ENTREP2: variants seen among roughly 807,000 people sequenced by gnomAD.
ENTREP2 encodes protein ENTREP2.
chr15:29,478,010 TATATATATA>T, the ENTREP2 span, among the ~76,000 whole-genome samples: 39 of 77,218 alleles, frequency 5.1e-4, no homozygotes, highest in South Asian at 0.011. Context: ...TATATATATA[TATATATATA>T]TTTTTTTTTT....
At chr15:29,619,619 C>T in the ENTREP2 span, among the ~76,000 whole-genome samples, 1 of 152,090 alleles carries the variant, frequency 6.6e-6, no homozygotes, top group East Asian at 1.9e-4. Flanking sequence ...CTGTGAAAGA[C>T]AAAGTGTCAC....
the ENTREP2 span, among the ~76,000 whole-genome samples, chr15:29,597,568 C>CAA: frequency 2.1e-3 from 285 of 137,706 alleles, no homozygotes; most frequent in South Asian, 5.6e-3. Flanking sequence ...AACTCTGTCT[C>CAA]AAAAAAAAAA....
the ENTREP2 span, among the ~76,000 whole-genome samples, chr15:29,494,996 C>T: frequency 1.3e-5 from 2 of 152,148 alleles, no homozygotes; most frequent in Admixed American, 1.3e-4. Context: ...ACTAATGCTG[C>T]AGTGTACATG....
At chr15:29,549,037 G>C in the ENTREP2 span, among the ~76,000 whole-genome samples, 2 of 152,156 alleles carry the variant, frequency 1.3e-5, no homozygotes, top group Non-Finnish European at 1.5e-5. Context: ...GTTAACTGCA[G>C]GCAGCAGGAC....
At chr15:29,500,027 A>G in the ENTREP2 span, among the ~76,000 whole-genome samples, 1 of 152,148 alleles carries the variant, frequency 6.6e-6, no homozygotes, top group African/African-American at 2.4e-5. Flanking sequence ...CACTAATAAA[A>G]AGGTCAAGTC....
At chr15:29,617,145 C>T in the ENTREP2 span, among the ~76,000 whole-genome samples, 3 of 152,264 alleles carry the variant, frequency 2.0e-5, no homozygotes, top group East Asian at 3.9e-4. Flanking sequence ...GGAAGTCCCA[C>T]GGCAGGCTGT....
the ENTREP2 span, among the ~76,000 whole-genome samples, chr15:29,550,618 C>A: frequency 6.6e-6 from 1 of 152,114 alleles, no homozygotes; most frequent in African/African-American, 2.4e-5. Context: ...CTTGTTCTTG[C>A]CATAAATTAA....
At chr15:29,170,467 T>C in the ENTREP2 span, among the ~76,000 whole-genome samples, 1 of 151,954 alleles carries the variant, frequency 6.6e-6, no homozygotes, top group African/African-American at 2.4e-5. Context: ...TGAGAACAAA[T>C]AAATAATGAG....
the ENTREP2 span, among the ~76,000 whole-genome samples, chr15:29,372,921 ATAAAGT>A: frequency 3.0e-4 from 46 of 152,308 alleles, no homozygotes; most frequent in African/African-American, 1.1e-3. Flanking sequence ...TTAGGAAAAG[ATAAAGT>A]TAGAGTCTTC....
chr15:29,179,582 CT>C, the ENTREP2 span, among the ~76,000 whole-genome samples: 3,768 of 134,650 alleles, frequency 0.028, 137 homozygotes, highest in African/African-American at 0.092. Flanking sequence ...CCGGAGTCGT[CT>C]TTTTTTTTTT....
the ENTREP2 span, among the ~76,000 whole-genome samples, chr15:29,245,880 G>A: frequency 6.6e-6 from 1 of 152,166 alleles, no homozygotes; most frequent in African/African-American, 2.4e-5. Context: ...GCTGGCAAAG[G>A]TGTGAAGGGG....
chr15:29,502,581 T>A, the ENTREP2 span, among the ~76,000 whole-genome samples: 1 of 151,840 alleles, frequency 6.6e-6, no homozygotes, highest in South Asian at 2.1e-4. Context: ...AAAGAAAAAA[T>A]AGATGAATTG....
chr15:29,138,640 T>A, the ENTREP2 span, among the ~76,000 whole-genome samples: 1 of 151,652 alleles, frequency 6.6e-6, no homozygotes, highest in African/African-American at 2.4e-5. Context: ...CATGTGTATA[T>A]GTGTATGTGT....
At chr15:29,648,124 C>A in the ENTREP2 span, among the ~76,000 whole-genome samples, 2 of 152,194 alleles carry the variant, frequency 1.3e-5, no homozygotes, top group East Asian at 3.8e-4. Flanking sequence ...CCATTTGGCA[C>A]ATTTCCTTTA....
the ENTREP2 span, among the ~76,000 whole-genome samples, chr15:29,328,082 A>G: frequency 6.6e-6 from 1 of 152,226 alleles, no homozygotes; most frequent in Non-Finnish European, 1.5e-5. Context: ...CATCTACATA[A>G]TGAAATGTTA....
the ENTREP2 span, among the ~76,000 whole-genome samples, chr15:29,339,357 T>A: frequency 6.6e-6 from 1 of 152,002 alleles, no homozygotes; most frequent in Non-Finnish European, 1.5e-5. Flanking sequence ...TAATGGCTAG[T>A]GGGGTGGAGA....
chr15:29,540,368 AC>A, the ENTREP2 span, among the ~76,000 whole-genome samples: 1 of 152,230 alleles, frequency 6.6e-6, no homozygotes, highest in African/African-American at 2.4e-5. Flanking sequence ...GTATGATTAT[AC>A]CCCATAAATA....
At chr15:29,427,349 G>C in the ENTREP2 span, among the ~76,000 whole-genome samples, 1 of 152,128 alleles carries the variant, frequency 6.6e-6, no homozygotes, top group African/African-American at 2.4e-5. Flanking sequence ...CCAACTTGGG[G>C]TACCTGAGAT....
the ENTREP2 span, among the ~76,000 whole-genome samples, chr15:29,449,915 G>C: frequency 6.6e-6 from 1 of 152,200 alleles, no homozygotes; most frequent in African/African-American, 2.4e-5. Flanking sequence ...GGTACCTGTT[G>C]TTTTTTGACT....
Sources: gnomAD v4.1 joint callset for allele counts (sites outside exome capture counted in the v4.1 genomes callset) on GRCh38, gnomAD v4.1.1 for gene constraint, MANE v1.5 for transcripts, NCBI Gene and HGNC (gene_info 2026-07-23, HGNC 2026-07-21) for gene names.